Variants in TBC1D8B observed in about 807,000 individuals in gnomAD.
The protein encoded by TBC1D8B is TBC1 domain family member 8B.
Under a neutral mutation model 82.9 loss-of-function variants are expected in TBC1D8B, and 75 were observed. The ratio of observed to expected loss-of-function variants is 0.90; its 90% CI spans 0.75 to 1.10. The LOEUF (loss-of-function observed/expected upper bound fraction) is 1.10. Ranked by LOEUF, TBC1D8B falls within the 50% of genes least tolerant of loss-of-function variation. The pLI is 0.00. For synonymous variants in TBC1D8B, 276 were observed against 276.8 expected, an observed-to-expected ratio of 1.00 and a Z score of 0.03; for missense variants, 794 against 796.9, an observed-to-expected ratio of 1.00 and a Z score of 0.04.
At chrX:106,866,961 A>C (rs1312882946) in intron 17 of TBC1D8B, 99 bp downstream of exon 17, 1 of 563,212 alleles carries the variant, frequency 1.8e-6, no homozygotes, top group African/African-American at 2.4e-5. Context: ...AATTTTCAAC[A>C]TGATATAAGA....
At chrX:106,868,726 A>T (rs956653976) in intron 18 of TBC1D8B, among the ~76,000 whole-genome samples, 2 of 112,184 alleles carry the variant, frequency 1.8e-5, no homozygotes, top group Non-Finnish European at 3.8e-5. Flanking sequence ...CTTACGTTGC[A>T]GAAATTTCTA....
intron 14 of TBC1D8B, among the ~76,000 whole-genome samples, chrX:106,861,007 T>C (rs1275010184): frequency 2.7e-5 from 3 of 111,914 alleles, no homozygotes; most frequent in African/African-American, 9.7e-5. Flanking sequence ...GAGCAGATTG[T>C]TTAATTTTTA....
intron 10 of TBC1D8B, among the ~76,000 whole-genome samples, chrX:106,846,221 C>T (rs1932446765): frequency 9.5e-6 from 1 of 105,411 alleles, no homozygotes; most frequent in Non-Finnish European, 1.9e-5. Flanking sequence ...CTGTCTCAGC[C>T]TCACGAGTAG....
chrX:106,842,702 A>T (rs1388590527), intron 10 of TBC1D8B, among the ~76,000 whole-genome samples: 1 of 109,733 alleles, frequency 9.1e-6, no homozygotes, highest in Non-Finnish European at 1.9e-5. Context: ...TATCTATCTA[A>T]TGTTGATATA....
chrX:106,823,121 T>C, intron 4 of TBC1D8B, 105 bp from the exon 5 acceptor site: 1 of 878,205 alleles, frequency 1.1e-6, no homozygotes. Flanking sequence ...TTTTAGCTGT[T>C]TATAGTATTT....
Position 106,839,439 on chromosome X carries a change from G to A in TBC1D8B, c.1335G>A (p.Glu445=). The A allele has an allele frequency of 8.6e-7, 1 of 1,156,087 alleles. No individual in the cohort carries two copies. Among genetic ancestry groups the A allele is most frequent in the South Asian group, 2.2e-5 (1 of 46,134 alleles). The change falls in exon 8 of 21, where the codon GAG becomes GAA. Residue 445 remains glutamate (E), a synonymous_variant. Coordinates refer to ENST00000357242, the MANE Select transcript of TBC1D8B (RefSeq NM_017752.3). ...CAGTATTTCACCCTCAGAATTTGGA[G>A]ACTCTTAATTCTAAAATGGTAGGAA... ...LMTVFHPQNL[E]TLNSKMLKEK...
chrX:106,823,177 A>G, intron 4 of TBC1D8B, 49 bp from the exon 5 acceptor site: 1 of 1,131,637 alleles, frequency 8.8e-7, no homozygotes, highest in Non-Finnish European at 1.2e-6. Flanking sequence ...TAATAAACAT[A>G]AATCACTATG....
At chrX:106,866,733 T>C in intron 16 of TBC1D8B, 64 bp from the exon 17 acceptor site, 19 of 824,325 alleles carry the variant, frequency 2.3e-5, no homozygotes, top group Non-Finnish European at 3.3e-5. Flanking sequence ...TTAATCTTTG[T>C]TGCTGAAATT....
intron 19 of TBC1D8B, 117 bp from the exon 20 acceptor site, chrX:106,870,599 A>T (rs1384537104): frequency 8.9e-6 from 4 of 450,318 alleles, no homozygotes; most frequent in Non-Finnish European, 1.5e-5. Flanking sequence ...TTCCTGGATT[A>T]AAAAAATGGG....
intron 8 of TBC1D8B, 63 bp from the exon 9 acceptor site, chrX:106,839,985 A>C (rs1357569519): frequency 9.2e-7 from 1 of 1,085,867 alleles, no homozygotes; most frequent in Non-Finnish European, 1.2e-6. Flanking sequence ...AGAGTGGGAA[A>C]GTTATTTTGC....
At chrX:106,857,972 T>C (rs1932730616) in intron 14 of TBC1D8B, among the ~76,000 whole-genome samples, 1 of 112,356 alleles carries the variant, frequency 8.9e-6, no homozygotes, top group Non-Finnish European at 1.9e-5. Context: ...CTCTGTTAAG[T>C]TCTTTGTGAT....
intron 10 of TBC1D8B, among the ~76,000 whole-genome samples, chrX:106,845,172 CTCTT>C (rs1932408940): frequency 9.1e-6 from 1 of 110,306 alleles, no homozygotes; most frequent in Non-Finnish European, 1.9e-5. Flanking sequence ...CTCGTTCTTG[CTCTT>C]TTTTTTTGGA....
intron 7 of TBC1D8B, among the ~76,000 whole-genome samples, chrX:106,832,935 G>A (rs1001764129): frequency 1.8e-5 from 2 of 110,638 alleles, no homozygotes; most frequent in African/African-American, 3.3e-5. Context: ...TAGCTGTGGG[G>A]GTAGATTTAT....
rs1266641586 is a variant in TBC1D8B, at chrX:106,849,870, C to A, written c.1838-155C>A. ...TTTCTGAAGTACATGACACTACTAG[C>A]AGTTAGATGTATAAAATACAGAAGA... On this transcript the variant is annotated intron_variant, in intron 11 of 20. Coordinates refer to ENST00000357242, the MANE Select transcript of TBC1D8B (RefSeq NM_017752.3). The A allele has an allele frequency of 7.6e-6, 8 of 1,050,760 alleles. No homozygotes were observed. In the Admixed American group the frequency reaches 3.1e-4, roughly 41 times the overall value. 86.6% of individuals were successfully genotyped at this position (1,050,760 alleles called of 1,213,427 possible).
At chrX:106,851,756 A>C (rs1005779073) in intron 12 of TBC1D8B, among the ~76,000 whole-genome samples, 16 of 111,947 alleles carry the variant, frequency 1.4e-4, no homozygotes, top group African/African-American at 5.2e-4. Context: ...ATCATTTTTT[A>C]TGGCTGCATA....
At chrX:106,807,355 T>C (rs1337846395) in intron 1 of TBC1D8B, among the ~76,000 whole-genome samples, 1 of 110,587 alleles carries the variant, frequency 9.0e-6, no homozygotes, top group African/African-American at 3.3e-5. Flanking sequence ...TTGGTCCCTG[T>C]GAAATCAAGT....
chrX:106,809,677 A>G (rs893838182), intron 1 of TBC1D8B, among the ~76,000 whole-genome samples: 15 of 109,984 alleles, frequency 1.4e-4, no homozygotes, highest in Non-Finnish European at 2.3e-4. Context: ...TGAGGTCAAG[A>G]GTTCGAGACC....
In TBC1D8B at chrX:106,823,287, G is replaced by A. The variant is rs1931746695; in HGVS notation, c.648G>A (p.Leu216=). 1 of 1,207,971 alleles carries A rather than the reference G, an allele frequency of 8.3e-7. No homozygotes were observed. Among genetic ancestry groups the A allele is most frequent in the Non-Finnish European group, 1.1e-6 (1 of 893,922 alleles). Residue 216 remains leucine, a synonymous_variant, in exon 5 of 21, where the codon CTG becomes CTA. Transcript: ENST00000357242. ...SKLEKTSNVI[L]TESIHVCSQG... The stretch of plus-strand genomic sequence containing the variant: ...TTGAAAAGACTTCAAATGTCATACT[G>A]ACAGAGAGTATTCACGTGTGTTCCC...
At chrX:106,848,833 G>T in intron 11 of TBC1D8B, among the ~76,000 whole-genome samples, 1 of 109,678 alleles carries the variant, frequency 9.1e-6, no homozygotes, top group Non-Finnish European at 1.9e-5. Flanking sequence ...GCTGGAGTGC[G>T]GCCTCGGCTT....
Sources: allele counts gnomAD v4.1 joint callset (sites outside exome capture counted in the v4.1 genomes callset), GRCh38; gene constraint gnomAD v4.1.1; transcripts MANE v1.5; gene names NCBI Gene and HGNC (gene_info 2026-07-23, HGNC 2026-07-21).